The following SDE2 variants were observed in gnomAD, a reference collection of about 807,000 sequenced individuals.
SDE2 encodes the protein splicing regulator SDE2.
In SDE2, 31 loss-of-function variants were observed where a neutral mutation model predicts 46.9. That is an observed-to-expected ratio of 0.66 (90% confidence interval 0.50 to 0.89). The LOEUF (loss-of-function observed/expected upper bound fraction) is 0.89, where lower values mean the gene tolerates loss of function less well. Among genes scored for constraint, SDE2 ranks in the 40% least tolerant of loss-of-function variants. SDE2 has a pLI of 0.00. For missense variants in SDE2, 542 were observed against 564.4 expected (o/e 0.96, Z 0.40); for synonymous variants, 205 against 204.3 (o/e 1.00, Z -0.03).
intron 2 of SDE2, among the ~76,000 whole-genome samples, chr1:225,994,471 A>G (rs1656476232): frequency 1.3e-5 from 2 of 152,250 alleles, no homozygotes; most frequent in African/African-American, 4.8e-5. Flanking sequence ...AGATTTTGAG[A>G]AAGCTTAGGG....
Position 225,982,913 on chromosome 1 carries a change from C to A in SDE2, c.*2389G>T, listed in dbSNP as rs1183743302. ...CTACATTTTATGTGAAGTGGCACAT[C>A]AACTCTAGGTAGACTGAAAAATTAA... is the stretch of plus-strand genomic sequence containing the variant. On this transcript the variant is annotated 3_prime_UTR_variant, in exon 7 of 7. Coordinates refer to ENST00000272091, the MANE Select transcript of SDE2 (RefSeq NM_152608.4). The A allele has an allele frequency of 6.6e-6, 1 of 152,068 alleles. No homozygotes were observed. 9.4% of individuals were successfully genotyped at this position (152,068 alleles called of 1,614,324 possible).
chr1:225,998,877 G>A (rs997049111), intron 1 of SDE2, among the ~76,000 whole-genome samples: 8 of 151,996 alleles, frequency 5.3e-5, no homozygotes, highest in African/African-American at 1.9e-4. Flanking sequence ...AAAATCAGCC[G>A]GCCCAACTGC....
At chr1:225,993,217 A>C (rs539038011) in intron 2 of SDE2, among the ~76,000 whole-genome samples, 1 of 151,588 alleles carries the variant, frequency 6.6e-6, no homozygotes, top group African/African-American at 2.4e-5. Context: ...TTCATTTTAT[A>C]GTTCTGAGAT....
At chr1:225,993,954 G>C (rs1317125112) in intron 2 of SDE2, among the ~76,000 whole-genome samples, 1 of 146,360 alleles carries the variant, frequency 6.8e-6, no homozygotes, top group African/African-American at 2.5e-5. Context: ...TTTTTGTAGA[G>C]ACCAAGGTCT....
chr1:225,999,279 C>G lies in SDE2; in HGVS notation c.34G>C (p.Gly12Arg). 3 of 1,612,402 alleles carry G rather than the reference C, an allele frequency of 1.9e-6. No homozygotes were observed. The highest frequency in any genetic ancestry group is 2.5e-6 in the Non-Finnish European group (3 of 1,179,456). The change falls in exon 1 of 7, where the codon GGC (glycine) becomes CGC (arginine). Residue 12 changes from glycine (G) to arginine (R), a missense_variant. By Grantham distance (125) the Gly-to-Arg change is moderately radical (BLOSUM62 -2). Around this residue, in one of 3 missense-constraint regions of SDE2, gnomAD observed 135 missense variants for 106.5 expected, o/e 1.27. Coordinates refer to ENST00000272091, the MANE Select transcript of SDE2 (RefSeq NM_152608.4). ...ACCGCCTTGCACCCGAAGCCAGGGC[C>G]GCGAATCCACACCAGCGCCGCGGCC... Reference protein sequence around the residue: ...AEAAALVWIRGPGFGCKAVRC... With the variant: ...AEAAALVWIRRPGFGCKAVRC...
Position 225,999,326 on chromosome 1 carries a change from C to A in SDE2, c.-14G>T. 1 of 1,610,002 alleles carries A rather than the reference C, an allele frequency of 6.2e-7. No homozygotes were observed. The highest frequency in any genetic ancestry group is 8.5e-7 in the Non-Finnish European group (1 of 1,178,348). On this transcript the variant is annotated 5_prime_UTR_variant, in exon 1 of 7. Transcript: ENST00000272091. ...GGCCTCCGCCATGTCACCGACTACC[C>A]GAACCTCAAGCCTCTCTGAGACACC...
intron 1 of SDE2, among the ~76,000 whole-genome samples, chr1:225,998,729 A>T (rs1428851079): frequency 1.3e-5 from 2 of 152,212 alleles, no homozygotes; most frequent in African/African-American, 4.8e-5. Flanking sequence ...CAGAAGAATC[A>T]ATTTTCCTTC....
At chr1:225,994,002 C>T (rs1436645015) in intron 2 of SDE2, among the ~76,000 whole-genome samples, 2 of 150,592 alleles carry the variant, frequency 1.3e-5, no homozygotes, top group African/African-American at 4.9e-5. Context: ...CTCCTGGGTT[C>T]AAACTGTCCT....
At chr1:225,996,748 G>A (rs1330331349) in intron 1 of SDE2, among the ~76,000 whole-genome samples, 1 of 152,182 alleles carries the variant, frequency 6.6e-6, no homozygotes, top group Non-Finnish European at 1.5e-5. Context: ...AAGATTTGGG[G>A]CTAGGGTGGA....
In SDE2 at chr1:225,992,509, G is replaced by C. The variant is rs746035959; in HGVS notation, c.409C>G (p.Leu137Val). ...ACAAGCTTCCGCTGCAGTCGCTCCA[G>C]CCGCTTCTGCTCCTTTTCAGCCTCT... ...EREAEKEQKR[L>V]ERLQRKLVEP... is the part of the protein sequence containing the mutation. The change falls in exon 4 of 7, where the codon CTG becomes GTG. Residue 137 changes from leucine (L) to valine (V), a missense_variant. This residue lies in a region of SDE2 where 401 missense variants were observed against 437.8 expected (regional missense o/e 0.92). Transcript: ENST00000272091. 6.2e-7 allele frequency: 1 copy of C among 1,612,554 alleles called. No individual in the cohort carries two copies. The highest frequency in any genetic ancestry group is 1.1e-5 in the South Asian group (1 of 91,082).
intron 4 of SDE2, among the ~76,000 whole-genome samples, chr1:225,991,764 A>T (rs1656405957): frequency 6.6e-6 from 1 of 152,244 alleles, no homozygotes; most frequent in South Asian, 2.1e-4. Flanking sequence ...GCTAAAAACA[A>T]AAGTTAATGA....
chr1:225,995,623 G>T (rs1656505042), intron 1 of SDE2, among the ~76,000 whole-genome samples: 4 of 152,134 alleles, frequency 2.6e-5, no homozygotes, highest in African/African-American at 9.7e-5. Flanking sequence ...AGTCTTTGCG[G>T]TGACAACAAA....
intron 5 of SDE2, among the ~76,000 whole-genome samples, chr1:225,990,711 A>T (rs1350681457): frequency 6.6e-6 from 1 of 152,198 alleles, no homozygotes; most frequent in African/African-American, 2.4e-5. Context: ...TTTATCCCCA[A>T]AGGGGATAAA....
At chr1:225,988,724 G>A (rs910690429) in intron 5 of SDE2, among the ~76,000 whole-genome samples, 1 of 152,056 alleles carries the variant, frequency 6.6e-6, no homozygotes, top group South Asian at 2.1e-4. Context: ...GTGAGACTCC[G>A]TCTCAAAAAT....
Position 225,985,350 on chromosome 1 carries a change from T to G in SDE2, c.1308A>C (p.Gln436His), listed in dbSNP as rs759701296. Residue 436 changes from glutamine to histidine, a missense_variant, in exon 7 of 7, where the codon CAA becomes CAC. Around this residue, in one of 3 missense-constraint regions of SDE2, gnomAD observed 401 missense variants for 437.8 expected, o/e 0.92. Coordinates refer to ENST00000272091, the MANE Select transcript of SDE2 (RefSeq NM_152608.4). The stretch of plus-strand genomic sequence containing the variant: ...GCTTGGCAAATAAAGCCGGGTCAAT[T>G]TGCTCCTTTGCCAGTCCTCTGACAG... Reference protein sequence around the residue: ...LFSVRGLAKEQIDPALFAKPL... With the variant: ...LFSVRGLAKEHIDPALFAKPL... 2.5e-6 allele frequency: 4 copies of G among 1,614,248 alleles called. No individual in the cohort carries two copies. Among genetic ancestry groups the G allele is most frequent in the Non-Finnish European group, 3.4e-6 (4 of 1,180,044 alleles).
intron 1 of SDE2, 134 bp downstream of exon 1, chr1:225,999,059 T>C (rs1033956494): frequency 2.1e-5 from 15 of 697,978 alleles, no homozygotes; most frequent in Non-Finnish European, 3.5e-5. Context: ...ACCTTAACAC[T>C]GAGGAACTCT....
rs754485096 is a variant in SDE2, at chr1:225,992,579, G to A, written c.351-12C>T. ...CCCATTCAGCCATTCTGGGGATGAG[G>A]GAGGAAGAGATATAACTGAATAGAT... On this transcript the variant is annotated splice_polypyrimidine_tract_variant and intron_variant, in intron 3 of 6. Coordinates refer to ENST00000272091, the MANE Select transcript of SDE2 (RefSeq NM_152608.4). The A allele has an allele frequency of 1.9e-5, 30 of 1,579,228 alleles. No homozygotes were observed. The highest frequency in any genetic ancestry group is 5.0e-5 in the Admixed American group (3 of 59,874).
intron 5 of SDE2, among the ~76,000 whole-genome samples, chr1:225,989,427 A>G (rs1656345119): frequency 6.6e-6 from 1 of 151,722 alleles, no homozygotes; most frequent in African/African-American, 2.4e-5. Flanking sequence ...TTAGGAGTTC[A>G]AGACTAGCCT....
At chr1:225,986,457 A>G (rs957589768) in intron 6 of SDE2, among the ~76,000 whole-genome samples, 1 of 152,116 alleles carries the variant, frequency 6.6e-6, no homozygotes. Context: ...AATATTAAAG[A>G]GCTCTGGAGA....
Sources: gnomAD v4.1 joint callset for allele counts (sites outside exome capture counted in the v4.1 genomes callset) on GRCh38, gnomAD v4.1.1 for gene constraint, gnomAD v4.1.1 regional missense constraint, MANE v1.5 for transcripts, NCBI Gene and HGNC (gene_info 2026-07-23, HGNC 2026-07-21) for gene names.